The following DNAAF2 variants were observed in gnomAD, a reference collection of about 807,000 sequenced individuals.
DNAAF2 encodes the protein dynein axonemal assembly factor 2.
In DNAAF2, 58 loss-of-function variants were observed where a neutral mutation model predicts 48.8. That is an observed-to-expected ratio of 1.19 (90% CI 0.96 to 1.48). The LOEUF is 1.48. Ranked by LOEUF, DNAAF2 falls within the 40% of genes most tolerant of loss-of-function variation. The probability of loss-of-function intolerance (pLI) is 0.00; values close to 1 mark genes in which losing one functional copy is unlikely to be tolerated. For missense variants in DNAAF2, 1,241 were observed against 1,116.1 expected (o/e 1.11, Z -1.59); for synonymous variants, 567 against 481.2 (o/e 1.18, Z -2.33).
chr14:49,633,950 G>C lies in DNAAF2; in HGVS notation c.1200C>G (p.His400Gln). The change falls in exon 1 of 3, where the codon CAC becomes CAG. Residue 400 changes from histidine to glutamine, a missense_variant. Physicochemically the swap from His to Gln is conservative, Grantham distance 24 (BLOSUM62 0). Transcript: ENST00000298292. Reference protein sequence around the residue: ...PARSRAEDGGHDTCVAGAAGS... With the variant: ...PARSRAEDGGQDTCVAGAAGS... ...CCGCAGCCCCAGCCACGCAGGTATC[G>C]TGGCCTCCGTCCTCCGCGCGACTCC... 2.0e-6 allele frequency: 3 copies of C among 1,530,332 alleles called. No homozygotes were observed. Among genetic ancestry groups the C allele is most frequent in the Non-Finnish European group, 2.6e-6 (3 of 1,144,778 alleles). The allele number at this position is 1,530,332 out of a possible 1,614,324, so 94.8% of individuals were successfully genotyped here. A position where few individuals can be genotyped will look rare whatever the true frequency, so the allele number is the denominator to read the frequency against.
At chr14:49,632,879 A>T (rs1325907674) in intron 1 of DNAAF2, among the ~76,000 whole-genome samples, 1 of 151,798 alleles carries the variant, frequency 6.6e-6, no homozygotes, top group Non-Finnish European at 1.5e-5. Flanking sequence ...TCCATTTATG[A>T]GTTTAAAGAG....
Position 49,634,314 on chromosome 14 carries a change from A to ACGGGGCT in DNAAF2, c.829_835dup (p.Val279GlufsTer6), listed in dbSNP as rs777108430. The stretch of plus-strand genomic sequence containing the variant: ...GATGGTGATCACCAGCTCATGGGGC[A>ACGGGGCT]CGGGGCTCGGGGCTGAGTCCCTGGA... On this transcript the variant is annotated frameshift_variant, in exon 1 of 3. Coordinates refer to ENST00000298292, the MANE Select transcript of DNAAF2 (RefSeq NM_018139.3). LOFTEE classifies it high-confidence loss of function. 3 of 1,611,896 alleles carry ACGGGGCT rather than the reference A, an allele frequency of 1.9e-6. No homozygotes were observed. The highest frequency in any genetic ancestry group is 2.2e-5 in the South Asian group (2 of 91,072).
intron 2 of DNAAF2, 52 bp downstream of exon 2, chr14:49,627,960 G>C: frequency 6.8e-7 from 1 of 1,475,910 alleles, no homozygotes; most frequent in Non-Finnish European, 9.0e-7. Context: ...AATTTGTTAG[G>C]TTTTAACTCT....
rs768247249 is a variant in DNAAF2, at chr14:49,634,982, G to A, written c.168C>T (p.Ile56=). Residue 56 remains isoleucine, a synonymous_variant, in exon 1 of 3, where the codon ATC becomes ATT. Coordinates refer to ENST00000298292, the MANE Select transcript of DNAAF2 (RefSeq NM_018139.3). The part of the protein sequence containing the change: ...PENRRRYEAE[I]TALERERGVE... Reference sequence around the variant, plus strand: ...CCCCGCGCTCACGCTCTAGCGCGGTGATCTCCGCCTCGTAGCGCCGCCGGT... The same window carrying A: ...CCCCGCGCTCACGCTCTAGCGCGGTAATCTCCGCCTCGTAGCGCCGCCGGT... 41 of 1,563,084 alleles carry A rather than the reference G, an allele frequency of 2.6e-5. No individual in the cohort carries two copies. Among genetic ancestry groups the A allele is most frequent in the Non-Finnish European group, 2.5e-5 (29 of 1,154,022 alleles).
At chr14:49,630,669 CCACACA>C (rs71441237) in intron 1 of DNAAF2, among the ~76,000 whole-genome samples, 34 of 132,562 alleles carry the variant, frequency 2.6e-4, no homozygotes, top group Admixed American at 1.4e-3. Context: ...AACTCTCTCT[CCACACA>C]CACACACACA....
In DNAAF2 at chr14:49,635,032, C is replaced by A. The variant is rs765847926; in HGVS notation, c.118G>T (p.Ala40Ser). Residue 40 changes from alanine to serine, a missense_variant, in exon 1 of 3, where the codon GCC becomes TCC. Physicochemically the swap from Ala to Ser is moderately conservative, Grantham distance 99. Transcript: ENST00000298292. ...PEFRRMFSQY[A>S]EELTDPENRR... is the part of the protein sequence containing the mutation. ...TTCTCCGGGTCGGTGAGCTCCTCGG[C>A]GTACTGGGAGAACATTCGCCGGAAC... is the stretch of plus-strand genomic sequence containing the variant. The A allele has an allele frequency of 1.9e-6, 3 of 1,577,520 alleles. No homozygotes were observed. In the South Asian group the frequency reaches 3.5e-5, roughly 18 times the overall value.
At chr14:49,627,212 GT>G (rs1245343156) in intron 2 of DNAAF2, among the ~76,000 whole-genome samples, 1 of 152,110 alleles carries the variant, frequency 6.6e-6, no homozygotes. Flanking sequence ...CTATTTAACA[GT>G]TATAAGCACA....
chr14:49,633,600 C>T lies in DNAAF2; in HGVS notation c.1550G>A (p.Ser517Asn). 1.2e-6 allele frequency: 2 copies of T among 1,613,756 alleles called. No homozygotes were observed. Among genetic ancestry groups the T allele is most frequent in the Non-Finnish European group, 8.5e-7 (1 of 1,179,890 alleles). ...ACAMGGPGTK[S>N]GEPLCPPLLC... Reference sequence around the variant, plus strand: ...TAACGGAGGACACAAAGGCTCCCCGCTCTTGGTCCCGGGACCACCCATGGC... The same window carrying T: ...TAACGGAGGACACAAAGGCTCCCCGTTCTTGGTCCCGGGACCACCCATGGC... Residue 517 changes from serine to asparagine, a missense_variant, in exon 1 of 3, where the codon AGC (serine) becomes AAC (asparagine). Ser to Asn is a conservative substitution (Grantham distance 46). Coordinates refer to ENST00000298292, the MANE Select transcript of DNAAF2 (RefSeq NM_018139.3).
rs1209806042 is a variant in DNAAF2 at position 49,634,601 on chromosome 14, C to T, written c.549G>A (p.Arg183=). 1.5e-5 allele frequency: 24 copies of T among 1,606,488 alleles called. No homozygotes were observed. Among genetic ancestry groups the T allele is most frequent in the Non-Finnish European group, 1.6e-5 (19 of 1,179,754 alleles). The change falls in exon 1 of 3, where the codon AGG becomes AGA. Residue 183 remains arginine, a synonymous_variant. Coordinates refer to ENST00000298292, the MANE Select transcript of DNAAF2 (RefSeq NM_018139.3). ...EKQFGVKLDR[R]NAKTLKAKYK... is the part of the protein sequence containing the mutation. ...ACTTGGCCTTCAGGGTCTTGGCATT[C>T]CTGCGGTCCAGCTTCACGCCGAACT... is the stretch of plus-strand genomic sequence containing the variant.
rs1000254573 is a variant in DNAAF2, at chr14:49,633,277, G to T, written c.1863+10C>A. 6.2e-7 allele frequency: 1 copy of T among 1,611,870 alleles called. No homozygotes were observed. Among genetic ancestry groups the T allele is most frequent in the Non-Finnish European group, 8.5e-7 (1 of 1,178,322 alleles). ...ATTTCAAATATGAGGACTCTGGAAA[G>T]AACTGTTACCTCCAAAGAATCGTTG... On this transcript the variant is annotated intron_variant, in intron 1 of 2. Coordinates refer to ENST00000298292, the MANE Select transcript of DNAAF2 (RefSeq NM_018139.3).
At chr14:49,626,405 C>G (rs1337980913) in intron 2 of DNAAF2, among the ~76,000 whole-genome samples, 5 of 152,164 alleles carry the variant, frequency 3.3e-5, no homozygotes, top group Non-Finnish European at 7.3e-5. Context: ...AGAAGAATCA[C>G]TTGAACCCGG....
In DNAAF2 at chr14:49,634,370, G is replaced by A. The variant is rs761101946; in HGVS notation, c.780C>T (p.Arg260=). ...PTEPRYSVVQ[R]HHVDLQDYRC... ...GGTAATCCTGGAGGTCCACGTGGTG[G>A]CGCTGCACCACGCTGTAGCGAGGCT... The change falls in exon 1 of 3, where the codon CGC becomes CGT. Residue 260 remains arginine, a synonymous_variant. Coordinates refer to ENST00000298292, the MANE Select transcript of DNAAF2 (RefSeq NM_018139.3). The A allele has an allele frequency of 8.1e-6, 13 of 1,606,054 alleles. No individual in the cohort carries two copies. Among genetic ancestry groups the A allele is most frequent in the Non-Finnish European group, 8.5e-6 (10 of 1,176,932 alleles).
At position 49,633,790 on chromosome 14, in the gene DNAAF2, G is replaced by C; in HGVS notation, c.1360C>G (p.Pro454Ala). ...GGTGAGTTTTCTCCTCCAGGAGATG[G>C]CTCCTCCACGCTGCCCGGCGGTGAC... ...AGSPPGSVEE[P>A]SPGGENSPGG... The change falls in exon 1 of 3, where the codon CCA (proline) becomes GCA (alanine). Residue 454 changes from proline (P) to alanine (A), a missense_variant. By Grantham distance (27) the Pro-to-Ala change is conservative. Transcript: ENST00000298292. 2 of 1,590,590 alleles carry C rather than the reference G, an allele frequency of 1.3e-6. No individual in the cohort carries two copies. The highest frequency in any genetic ancestry group is 2.2e-5 in the South Asian group (2 of 89,782).
Position 49,633,424 on chromosome 14 carries a change from G to A in DNAAF2, c.1726C>T (p.Pro576Ser). The A allele has an allele frequency of 6.2e-7, 1 of 1,613,990 alleles. No homozygotes were observed. Among genetic ancestry groups the A allele is most frequent in the Non-Finnish European group, 8.5e-7 (1 of 1,179,898 alleles). ...LVYSFFLQFAPENKLSTTEPV... is the reference protein window; with the variant it reads ...LVYSFFLQFASENKLSTTEPV... The stretch of plus-strand genomic sequence containing the variant: ...TCTGTGGTACTCAATTTATTCTCTG[G>A]AGCAAATTGCAAAAAGAAGGAATAA... Residue 576 changes from proline to serine, a missense_variant, in exon 1 of 3, where the codon CCA becomes TCA. Coordinates refer to ENST00000298292, the MANE Select transcript of DNAAF2 (RefSeq NM_018139.3).
chr14:49,634,046 C>G lies in DNAAF2; in HGVS notation c.1104G>C (p.Glu368Asp), dbSNP rs1883252689. Residue 368 changes from glutamate to aspartate, a missense_variant, in exon 1 of 3, where the codon GAG (glutamate) becomes GAC (aspartate). By Grantham distance (45) the Glu-to-Asp change is conservative (BLOSUM62 2). Coordinates refer to ENST00000298292, the MANE Select transcript of DNAAF2 (RefSeq NM_018139.3). ...AVAVAAAAPE[E>D]SADRSGTDGQ... is the part of the protein sequence containing the mutation. ...CGTCAGTTCCGGACCGGTCCGCGGA[C>G]TCTTCCGGCGCGGCGGCGGCGACGG... 6.6e-7 allele frequency: 1 copy of G among 1,519,932 alleles called. No individual in the cohort carries two copies. Among genetic ancestry groups the G allele is most frequent in the Middle Eastern group, 2.2e-4 (1 of 4,544 alleles). The allele number at this position is 1,519,932 out of a possible 1,614,324, so 94.2% of individuals were successfully genotyped here.
At chr14:49,630,096 T>C (rs1883113890) in intron 1 of DNAAF2, among the ~76,000 whole-genome samples, 1 of 151,954 alleles carries the variant, frequency 6.6e-6, no homozygotes, top group Non-Finnish European at 1.5e-5. Context: ...CCGGGAGTGG[T>C]AGCATGCACC....
At chr14:49,631,418 G>C (rs1400178991) in intron 1 of DNAAF2, among the ~76,000 whole-genome samples, 2 of 152,174 alleles carry the variant, frequency 1.3e-5, no homozygotes, top group Admixed American at 1.3e-4. Flanking sequence ...GAGGTCAGGA[G>C]ATCAAGACCA....
At chr14:49,629,742 G>A (rs1234136544) in intron 1 of DNAAF2, 1 of 152,176 alleles carries the variant, frequency 6.6e-6, no homozygotes, top group East Asian at 1.9e-4. Flanking sequence ...CTGGATTCAA[G>A]CTGTCCTCCT....
rs1437525416 is a variant in DNAAF2, at chr14:49,627,752, G to A, written c.2007+260C>T. Among the ~76,000 whole-genome samples, 7 of 152,066 alleles carry A rather than the reference G, an allele frequency of 4.6e-5. No homozygotes were observed. In the East Asian group the frequency reaches 1.2e-3, roughly 25 times the overall value. On this transcript the variant is annotated intron_variant, in intron 2 of 2. Coordinates refer to ENST00000298292, the MANE Select transcript of DNAAF2 (RefSeq NM_018139.3). The stretch of plus-strand genomic sequence containing the variant: ...CTCCTGTAGTCCCAGCTACTTGGGA[G>A]GCTGAGGCAGGAGAATCGCTTGAAC...
Sources: allele counts gnomAD v4.1 joint callset (sites outside exome capture counted in the v4.1 genomes callset), GRCh38; gene constraint gnomAD v4.1.1; transcripts MANE v1.5; gene names NCBI Gene and HGNC (gene_info 2026-07-23, HGNC 2026-07-21).